ZFAND4: variants seen among roughly 807,000 people sequenced by gnomAD.
ZFAND4 encodes zinc finger AN1-type containing 4.
ZFAND4 carries 43 observed loss-of-function variants against 64.4 expected under a neutral mutation model. The observed-to-expected ratio is 0.67, with a 90% CI of 0.52 to 0.86. The LOEUF is 0.86. Among genes scored for constraint, ZFAND4 ranks in the 40% least tolerant of loss-of-function variants. The pLI is 0.00. For synonymous variants in ZFAND4, 296 were observed against 305.7 expected, an observed-to-expected ratio of 0.97 and a Z score of 0.33; for missense variants, 929 against 859.8, an observed-to-expected ratio of 1.08 and a Z score of -1.01.
chr10:45,618,998 T>C (rs1457387055), intron 8 of ZFAND4, among the ~76,000 whole-genome samples: 3 of 152,156 alleles, frequency 2.0e-5, no homozygotes, highest in East Asian at 3.8e-4. Flanking sequence ...AGTTTTTACC[T>C]TAAAAATAAG....
chr10:45,657,539 T>A (rs2048210236), intron 2 of ZFAND4, among the ~76,000 whole-genome samples: 1 of 152,218 alleles, frequency 6.6e-6, no homozygotes, highest in Non-Finnish European at 1.5e-5. Context: ...AGCAGTTTTA[T>A]AAAGTTAACT....
chr10:45,616,594 G>C, intron 9 of ZFAND4, 23 bp from the exon 10 acceptor site: 3 of 1,613,224 alleles, frequency 1.9e-6, no homozygotes, highest in Non-Finnish European at 2.5e-6. Context: ...AAAAGTTTAC[G>C]TGAATAGTTG....
At chr10:45,617,893 T>C in intron 9 of ZFAND4, 1 of 211,748 alleles carries the variant, frequency 4.7e-6, no homozygotes, top group Non-Finnish European at 9.2e-6. Flanking sequence ...ACGAAAAAGG[T>C]ACACTCTCAG....
chr10:45,635,212 AACAAAAAAAAAACAAAC>A (rs1258758351), intron 6 of ZFAND4, among the ~76,000 whole-genome samples: 11 of 144,356 alleles, frequency 7.6e-5, no homozygotes, highest in African/African-American at 2.9e-4. Context: ...AAAAAAAAAA[AACAAAAAAAAAACAAAC>A]AAAAAAAAAC....
intron 8 of ZFAND4, 138 bp from the exon 9 acceptor site, chr10:45,618,398 T>A: frequency 9.3e-7 from 1 of 1,069,628 alleles, no homozygotes; most frequent in Non-Finnish European, 1.3e-6. Flanking sequence ...TTTTTATATC[T>A]AAAATTACTT....
Position 45,672,476 on chromosome 10 carries a change from C to T in ZFAND4, c.-344G>A, listed in dbSNP as rs2049265154. On this transcript the variant is annotated 5_prime_UTR_variant, in exon 1 of 10. Coordinates refer to ENST00000344646, the MANE Select transcript of ZFAND4 (RefSeq NM_174890.4). ...GGCAAAGGCGGCCCGCCGCTCCGGTCCCCGGGCAGCAGCGGCCGGCGTCAG... is the reference window on the plus strand; with the variant it reads ...GGCAAAGGCGGCCCGCCGCTCCGGTTCCCGGGCAGCAGCGGCCGGCGTCAG... 1 of 152,374 alleles carries T rather than the reference C, an allele frequency of 6.6e-6. No homozygotes were observed. Among genetic ancestry groups the T allele is most frequent in the Admixed American group, 6.5e-5 (1 of 15,292 alleles). 9.4% of individuals were successfully genotyped at this position (152,374 alleles called of 1,614,324 possible). A position where few individuals can be genotyped will look rare whatever the true frequency, so the allele number is the denominator to read the frequency against.
intron 8 of ZFAND4, among the ~76,000 whole-genome samples, chr10:45,619,825 T>C (rs906606807): frequency 1.1e-4 from 16 of 152,154 alleles, no homozygotes; most frequent in African/African-American, 3.6e-4. Flanking sequence ...TTTGAAACAA[T>C]TGAGAGACTC....
chr10:45,641,155 A>T (rs1375895857), intron 5 of ZFAND4, among the ~76,000 whole-genome samples: 6 of 152,258 alleles, frequency 3.9e-5, no homozygotes, highest in Admixed American at 6.5e-5. Context: ...CACATAGCCA[A>T]TAAATGTTTG....
At chr10:45,655,972 C>T (rs2048069292) in intron 2 of ZFAND4, among the ~76,000 whole-genome samples, 1 of 152,160 alleles carries the variant, frequency 6.6e-6, no homozygotes, top group African/African-American at 2.4e-5. Context: ...TGGCTCACGC[C>T]TGTAATCCCA....
intron 5 of ZFAND4, chr10:45,640,327 G>C (rs2046897781): frequency 2.4e-6 from 3 of 1,252,472 alleles, no homozygotes; most frequent in Middle Eastern, 2.2e-4. Context: ...GTGCAACCCA[G>C]ACAACAGGCT....
intron 7 of ZFAND4, 25 bp downstream of exon 7, chr10:45,625,926 A>G: frequency 6.3e-7 from 1 of 1,599,968 alleles, no homozygotes; most frequent in Non-Finnish European, 8.5e-7. Flanking sequence ...TAACTACTAG[A>G]GCATGTTGAA....
In ZFAND4 at chr10:45,663,697, A is replaced by G; in HGVS notation, c.29T>C (p.Phe10Ser). 1.2e-6 allele frequency: 2 copies of G among 1,602,474 alleles called. No individual in the cohort carries two copies. The highest frequency in any genetic ancestry group is 1.7e-6 in the Non-Finnish European group (2 of 1,177,360). Reference sequence around the variant, plus strand: ...AAATGGTCCCATGTTATCATCATTGAAGAATGGAGGCTCTTTTCTGTTATC... The same window carrying G: ...AAATGGTCCCATGTTATCATCATTGGAGAATGGAGGCTCTTTTCTGTTATC... MDNRKEPPFFNDDNMGPFYY... is the reference protein window; with the variant it reads MDNRKEPPFSNDDNMGPFYY... Residue 10 changes from phenylalanine to serine, a missense_variant, in exon 2 of 10, where the codon TTC becomes TCC. Transcript: ENST00000344646.
In ZFAND4 at chr10:45,642,622, AAAG is replaced by A. The variant is rs1291998125; in HGVS notation, c.570-2662_570-2660del. ...GACTCCATCTCAAAAAAAAAAAAAA[AAAG>A]AACAATCATGATAAATCACTGGACT... On this transcript the variant is annotated intron_variant, in intron 5 of 9. Transcript: ENST00000344646. 1.6e-3 allele frequency among the ~76,000 whole-genome samples: 235 copies of A among 151,382 alleles called. 2 individuals are homozygous for A. The South Asian group carries it at 0.026, about 17-fold the overall frequency.
At chr10:45,629,749 G>A (rs111570878) in intron 6 of ZFAND4, among the ~76,000 whole-genome samples, 9,092 of 152,172 alleles carry the variant, frequency 0.06, 395 homozygotes, top group African/African-American at 0.12. Context: ...CGTAGTCCCA[G>A]CTACTTGGGA....
intron 4 of ZFAND4, chr10:45,649,655 T>C (rs2047629888): frequency 6.6e-6 from 1 of 152,246 alleles, no homozygotes; most frequent in African/African-American, 2.4e-5. Flanking sequence ...TGAAAACAGT[T>C]ATTTGGATGT....
intron 5 of ZFAND4, among the ~76,000 whole-genome samples, chr10:45,641,694 A>G (rs2047009610): frequency 6.6e-6 from 1 of 152,248 alleles, no homozygotes; most frequent in African/African-American, 2.4e-5. Flanking sequence ...TGACACAAGT[A>G]CAACACTGAA....
intron 7 of ZFAND4, among the ~76,000 whole-genome samples, 153 bp downstream of exon 7, chr10:45,625,798 G>A (rs1355410083): frequency 6.6e-6 from 1 of 152,026 alleles, no homozygotes; most frequent in African/African-American, 2.4e-5. Flanking sequence ...CGACTATCAA[G>A]ATTTTATACA....
intron 6 of ZFAND4, among the ~76,000 whole-genome samples, 179 bp from the exon 7 acceptor site, chr10:45,627,284 C>T (rs926769069): frequency 2.0e-5 from 3 of 152,106 alleles, no homozygotes; most frequent in Non-Finnish European, 4.4e-5. Context: ...TATTTTCCTT[C>T]ACTGAGTATA....
chr10:45,653,167 A>G (rs2047873609), intron 2 of ZFAND4, 108 bp from the exon 3 acceptor site: 2 of 816,526 alleles, frequency 2.4e-6, no homozygotes, highest in Non-Finnish European at 3.8e-6. Flanking sequence ...AAAAAATTAA[A>G]CATTCTTCTA....
Sources: allele counts gnomAD v4.1 joint callset (sites outside exome capture counted in the v4.1 genomes callset), GRCh38; gene constraint gnomAD v4.1.1; transcripts MANE v1.5; gene names NCBI Gene and HGNC (gene_info 2026-07-23, HGNC 2026-07-21).